Variants in EPB41L1 observed in about 807,000 individuals in gnomAD.
EPB41L1 encodes band 4.1-like protein 1.
Under a neutral mutation model 97.8 loss-of-function variants are expected in EPB41L1, and 29 were observed. The observed-to-expected ratio is 0.30, with a 90% CI of 0.22 to 0.40. EPB41L1 has a LOEUF of 0.40. Ranked by LOEUF, EPB41L1 falls within the 10% of genes least tolerant of loss-of-function variation. EPB41L1 has a pLI of 1.00. For synonymous variants in EPB41L1, 383 were observed against 459.2 expected, an observed-to-expected ratio of 0.83 and a Z score of 2.12; for missense variants, 812 against 1,162.3, an observed-to-expected ratio of 0.70 and a Z score of 4.38.
intron 14 of EPB41L1, among the ~76,000 whole-genome samples, chr20:36,203,418 C>A (rs1420808007): frequency 6.6e-6 from 1 of 152,250 alleles, no homozygotes; most frequent in African/African-American, 2.4e-5. Context: ...AACTAACAAT[C>A]ACTATACGTT....
chr20:36,219,160 C>T (rs954616050), intron 18 of EPB41L1, among the ~76,000 whole-genome samples, 198 bp downstream of exon 18: 14 of 152,330 alleles, frequency 9.2e-5, no homozygotes, highest in South Asian at 4.1e-4. Flanking sequence ...CCCTCCCCAC[C>T]GCCCACACAT....
chr20:36,169,094 C>T (rs1438980752), intron 1 of EPB41L1, among the ~76,000 whole-genome samples: 1 of 151,630 alleles, frequency 6.6e-6, no homozygotes. Context: ...GCTGCGGTGG[C>T]GGTCACCTGT....
intron 2 of EPB41L1, chr20:36,125,466 A>G: frequency 9.0e-7 from 1 of 1,109,826 alleles, no homozygotes; most frequent in Non-Finnish European, 1.3e-6. Flanking sequence ...GGGAGGATCA[A>G]TGAGGTAGAA....
intron 6 of EPB41L1, among the ~76,000 whole-genome samples, chr20:36,183,651 G>C (rs1309478152): frequency 6.6e-6 from 1 of 152,224 alleles, no homozygotes; most frequent in Non-Finnish European, 1.5e-5. Flanking sequence ...TATAGCAGCT[G>C]ATTTCGCCAA....
At chr20:36,189,314 C>G (rs887648789) in intron 9 of EPB41L1, among the ~76,000 whole-genome samples, 2 of 152,002 alleles carry the variant, frequency 1.3e-5, no homozygotes, top group Admixed American at 6.6e-5. Flanking sequence ...ATGGCAAGCC[C>G]ACTCCCCCTT....
intron 13 of EPB41L1, among the ~76,000 whole-genome samples, chr20:36,196,627 G>A (rs1192847764): frequency 6.6e-6 from 1 of 152,170 alleles, no homozygotes; most frequent in Non-Finnish European, 1.5e-5. Context: ...TGGATCCTTG[G>A]GTACCAGAGA....
upstream of EPB41L1, chr20:36,154,608 G>GC (rs1158209942): frequency 1.2e-6 from 1 of 850,272 alleles, no homozygotes; most frequent in Non-Finnish European, 1.4e-6. The surrounding 1 kb of genome is among the most constrained non-coding windows in gnomAD (Gnocchi z 5.5). Flanking sequence ...AGCGGCGGCC[G>GC]CCCCTGGGCT....
Position 36,214,349 on chromosome 20 carries a change from C to T in EPB41L1, c.2185-8C>T, listed in dbSNP as rs2063317020. The T allele has an allele frequency of 3.7e-6, 6 of 1,613,512 alleles. No individual in the cohort carries two copies. The highest frequency in any genetic ancestry group is 1.1e-5 in the South Asian group (1 of 90,994). ...CTCCCCAGCTCTAACGACTCCTCCT[C>T]TGGTCAGCAGGTTGATGGGAGTGCC... On this transcript the variant is annotated splice_polypyrimidine_tract_variant and splice_region_variant and intron_variant, in intron 16 of 21. Coordinates refer to ENST00000338074, the MANE Select transcript of EPB41L1 (RefSeq NM_012156.2).
At chr20:36,106,786 G>A (rs532620045) in intron 1 of EPB41L1, among the ~76,000 whole-genome samples, 13 of 152,342 alleles carry the variant, frequency 8.5e-5, no homozygotes, top group African/African-American at 2.6e-4. Flanking sequence ...TTAGTCACAT[G>A]TGGCTAGTGG....
intron 14 of EPB41L1, among the ~76,000 whole-genome samples, chr20:36,204,916 C>A (rs2062715267): frequency 1.3e-5 from 2 of 152,188 alleles, no homozygotes; most frequent in Non-Finnish European, 2.9e-5. Context: ...GCTGGGATTA[C>A]AGGCGTGAGC....
chr20:36,197,552 G>T (rs1199043236), intron 13 of EPB41L1: 8 of 834,834 alleles, frequency 9.6e-6, no homozygotes, highest in Admixed American at 1.2e-4. Flanking sequence ...ACCCAGACCT[G>T]TGGGCTTTGG....
At chr20:36,108,823 T>G (rs1323506267) in intron 1 of EPB41L1, among the ~76,000 whole-genome samples, 1 of 152,202 alleles carries the variant, frequency 6.6e-6, no homozygotes, top group Non-Finnish European at 1.5e-5. Context: ...AGACTAGTTA[T>G]TTGGGGAAGG....
At chr20:36,216,532 A>G (rs952306369) in intron 17 of EPB41L1, among the ~76,000 whole-genome samples, 4 of 152,174 alleles carry the variant, frequency 2.6e-5, no homozygotes. Context: ...ATGTCATCAG[A>G]TATGTGTTTC....
intron 9 of EPB41L1, among the ~76,000 whole-genome samples, chr20:36,189,513 G>A (rs1167771615): frequency 5.3e-5 from 8 of 152,064 alleles, no homozygotes; most frequent in Non-Finnish European, 1.0e-4. Flanking sequence ...TGAGTGCTTC[G>A]CATTTGATGT....
intron 1 of EPB41L1, among the ~76,000 whole-genome samples, chr20:36,157,956 C>A (rs1042277567): frequency 2.0e-5 from 3 of 152,194 alleles, no homozygotes; most frequent in Non-Finnish European, 4.4e-5. Flanking sequence ...AGAATAGTAA[C>A]AGCTAACATT....
At chr20:36,204,471 CTT>C (rs765673962) in intron 14 of EPB41L1, among the ~76,000 whole-genome samples, 125 of 90,578 alleles carry the variant, frequency 1.4e-3, no homozygotes, top group African/African-American at 5.1e-3. Context: ...CGATCTGGTG[CTT>C]TTTTTTTTTT....
intron 2 of EPB41L1, chr20:36,113,734 G>C (rs111611093): frequency 6.6e-6 from 1 of 152,626 alleles, no homozygotes; most frequent in Non-Finnish European, 1.5e-5. Context: ...AGGAGTTCCC[G>C]GGAGGGAGCC....
At chr20:36,188,808 C>A (rs6060850) in intron 9 of EPB41L1, among the ~76,000 whole-genome samples, 1 of 150,286 alleles carries the variant, frequency 6.7e-6, no homozygotes, top group Non-Finnish European at 1.5e-5. Context: ...GGTGAAACCC[C>A]GTCTCTACTA....
chr20:36,227,046 G>A (rs946462505), intron 21 of EPB41L1, among the ~76,000 whole-genome samples: 2 of 152,274 alleles, frequency 1.3e-5, no homozygotes, highest in Admixed American at 1.3e-4. Flanking sequence ...CAGGCACAGT[G>A]GCTCACACTT....
Sources: allele counts gnomAD v4.1 joint callset (sites outside exome capture counted in the v4.1 genomes callset), GRCh38; gene constraint gnomAD v4.1.1; non-coding constraint Gnocchi (gnomAD v3.1); transcripts MANE v1.5; gene names NCBI Gene and HGNC (gene_info 2026-07-23, HGNC 2026-07-21).